Variants in MAN2B1 observed in about 807,000 individuals in gnomAD.
MAN2B1 encodes lysosomal alpha-mannosidase.
In MAN2B1, 99 loss-of-function variants were observed where a neutral mutation model predicts 127.5. The observed-to-expected ratio is 0.78, with a 90% CI of 0.66 to 0.92. The LOEUF (loss-of-function observed/expected upper bound fraction) is 0.92. Among genes scored for constraint, MAN2B1 ranks in the 40% least tolerant of loss-of-function variants. The pLI is 0.00. For synonymous variants in MAN2B1, 573 were observed against 568.8 expected, an observed-to-expected ratio of 1.01 and a Z score of -0.11; for missense variants, 1,304 against 1,384.8, an observed-to-expected ratio of 0.94 and a Z score of 0.93.
chr19:12,665,376 C>T lies in MAN2B1; in HGVS notation c.412G>A (p.Val138Ile), dbSNP rs1245914808. ...CCCTGGCGCACAAGGTCTCGCACGA[C>T]TTCCTGTGTGGCATTTGTCTGCTGG... is the stretch of plus-strand genomic sequence containing the variant. The part of the protein sequence containing the change: ...WHQQTNATQE[V>I]VRDLVRQGRL... Residue 138 changes from valine (V) to isoleucine (I), a missense_variant, in exon 3 of 24, where the codon GTC becomes ATC. By Grantham distance (29) the Val-to-Ile change is conservative. Transcript: ENST00000456935. 2 of 1,609,360 alleles carry T rather than the reference C, an allele frequency of 1.2e-6. No homozygotes were observed. Among genetic ancestry groups the T allele is most frequent in the African/African-American group, 1.3e-5 (1 of 74,920 alleles).
chr19:12,648,478 C>A (rs1454094175), intron 20 of MAN2B1, 76 bp from the exon 21 acceptor site: 2 of 1,092,936 alleles, frequency 1.8e-6, no homozygotes, highest in Non-Finnish European at 2.7e-6. Flanking sequence ...TGGGTAAGGG[C>A]GTGTGGGAAT....
Position 12,658,512 on chromosome 19 carries a change from T to C in MAN2B1, c.1027-2A>G. 1 of 1,614,086 alleles carries C rather than the reference T, an allele frequency of 6.2e-7. No homozygotes were observed. The highest frequency in any genetic ancestry group is 8.5e-7 in the Non-Finnish European group (1 of 1,180,006). On this transcript the variant is annotated splice_acceptor_variant, in intron 7 of 23. Coordinates refer to ENST00000456935, the MANE Select transcript of MAN2B1 (RefSeq NM_000528.4). LOFTEE classifies it high-confidence loss of function. Reference sequence around the variant, plus strand: ...ATGGACACTGCTTCCTTTTGCCTGCTGCTGGGGGAGGCGACGGAGTGAGCC... The same window carrying C: ...ATGGACACTGCTTCCTTTTGCCTGCCGCTGGGGGAGGCGACGGAGTGAGCC...
In MAN2B1 at chr19:12,652,415, T is replaced by C; in HGVS notation, c.1876A>G (p.Ile626Val). ...AGGAGTTGCTGATTCATGTTCATAA[T>C]CTCCATCAACAGCCCTGTGTCAGGA... ...FDPDTGLLME[I>V]MNMNQQLLLP... Residue 626 changes from isoleucine (I) to valine (V), a missense_variant, in exon 15 of 24, where the codon ATT (isoleucine) becomes GTT (valine). Ile to Val is a conservative substitution (Grantham distance 29). Coordinates refer to ENST00000456935, the MANE Select transcript of MAN2B1 (RefSeq NM_000528.4). 1 of 1,614,048 alleles carries C rather than the reference T, an allele frequency of 6.2e-7. No homozygotes were observed.
Position 12,657,316 on chromosome 19 carries a change from C to CA in MAN2B1, c.1419+129dup, listed in dbSNP as rs573308752. On this transcript the variant is annotated intron_variant, in intron 11 of 23. Coordinates refer to ENST00000456935, the MANE Select transcript of MAN2B1 (RefSeq NM_000528.4). The stretch of plus-strand genomic sequence containing the variant: ...CCCCGCCTCCTACAAGCCCCGCCCC[C>CA]ACGAGCCCTTGTAGCCCCGCCACAG... 826 of 852,836 alleles carry CA rather than the reference C, an allele frequency of 9.7e-4. 12 individuals carry two copies. In the South Asian group the frequency reaches 0.012, roughly 12 times the overall value. The allele number at this position is 852,836 out of a possible 1,614,324, so 52.8% of individuals were successfully genotyped here.
intron 16 of MAN2B1, among the ~76,000 whole-genome samples, chr19:12,651,740 C>G (rs2145237954): frequency 6.6e-6 from 1 of 152,260 alleles, no homozygotes; most frequent in African/African-American, 2.4e-5. Context: ...GAGACTCACC[C>G]AAACCCAATC....
In MAN2B1 at chr19:12,656,929, C is replaced by T. The variant is rs761752310; in HGVS notation, c.1527+20G>A. 9.4e-6 allele frequency: 15 copies of T among 1,598,022 alleles called. No homozygotes were observed. Among genetic ancestry groups the T allele is most frequent in the Middle Eastern group, 1.7e-4 (1 of 6,028 alleles). On this transcript the variant is annotated intron_variant, in intron 12 of 23. Transcript: ENST00000456935. The stretch of plus-strand genomic sequence containing the variant: ...CTAAAGCCCATCTGCCCTAGATCCA[C>T]CCCTCCCGTCCCGGCTCACGCGCGC...
At chr19:12,657,091 G>GCCTGGCGTCCTGA in intron 11 of MAN2B1, 35 bp from the exon 12 acceptor site, 7 of 1,316,276 alleles carry the variant, frequency 5.3e-6, no homozygotes, top group Non-Finnish European at 6.5e-6. Flanking sequence ...GTGGGTTCAG[G>GCCTGGCGTCCTGA]ACGCCAGGCC....
At chr19:12,665,581 C>G in intron 2 of MAN2B1, 56 bp from the exon 3 acceptor site, 1 of 1,608,540 alleles carries the variant, frequency 6.2e-7, no homozygotes, top group South Asian at 1.1e-5. Context: ...GGGGTTATTC[C>G]TAGACAGAGG....
At chr19:12,654,999 A>G (rs2023924366) in intron 14 of MAN2B1, among the ~76,000 whole-genome samples, 1 of 151,914 alleles carries the variant, frequency 6.6e-6, no homozygotes, top group Non-Finnish European at 1.5e-5. Context: ...ACAGGGTTTC[A>G]CTCTGTTGCC....
At chr19:12,649,846 T>A in intron 18 of MAN2B1, 67 bp downstream of exon 18, 2 of 1,330,398 alleles carry the variant, frequency 1.5e-6, no homozygotes, top group Non-Finnish European at 1.1e-6. Flanking sequence ...TCAGCAAATT[T>A]CCCTCACCAC....
rs141375929 is a variant in MAN2B1 at position 12,660,132 on chromosome 19, C to G, written c.1026+1128G>C. ...AGTGTCCATGTCCTGATCCCCAGAACCTATTACCACATTAGATTACATGGC... is the reference window on the plus strand; with the variant it reads ...AGTGTCCATGTCCTGATCCCCAGAAGCTATTACCACATTAGATTACATGGC... On this transcript the variant is annotated intron_variant, in intron 7 of 23. Transcript: ENST00000456935. 2.3e-3 allele frequency among the ~76,000 whole-genome samples: 355 copies of G among 152,258 alleles called. 4 individuals are homozygous for G. The highest frequency in any genetic ancestry group is 8.3e-3 in the African/African-American group (343 of 41,536).
rs1312988417 is a variant in MAN2B1 at position 12,652,187 on chromosome 19, G to A, written c.2012C>T (p.Pro671Leu). The part of the protein sequence containing the change: ...IFRPNQQKPL[P>L]VSRWAQIHLV... ...GTGGATCTGAGCCCAGCGGCTCACA[G>A]GCAGCGGTTTCTGTTGGTTGGGTCT... The change falls in exon 16 of 24, where the codon CCT (proline) becomes CTT (leucine). Residue 671 changes from proline (P) to leucine (L), a missense_variant. Physicochemically the swap from Pro to Leu is moderately conservative, Grantham distance 98. Coordinates refer to ENST00000456935, the MANE Select transcript of MAN2B1 (RefSeq NM_000528.4). 6.2e-7 allele frequency: 1 copy of A among 1,614,064 alleles called. No individual in the cohort carries two copies. The highest frequency in any genetic ancestry group is 2.2e-5 in the East Asian group (1 of 44,900).
At chr19:12,652,019 T>G in intron 16 of MAN2B1, 134 bp downstream of exon 16, 1 of 767,576 alleles carries the variant, frequency 1.3e-6, no homozygotes, top group South Asian at 1.4e-5. Flanking sequence ...CCCGCTGATC[T>G]GTGGGTCTTA....
chr19:12,648,165 T>C lies in MAN2B1; in HGVS notation c.2664+10A>G. The stretch of plus-strand genomic sequence containing the variant: ...ATCCGGTCCTCTCTGCCTACCCCGC[T>C]GCCCCTCACCTGCGTGCGCGGAGGA... On this transcript the variant is annotated intron_variant, in intron 21 of 23. Coordinates refer to ENST00000456935, the MANE Select transcript of MAN2B1 (RefSeq NM_000528.4). 6.5e-7 allele frequency: 1 copy of C among 1,534,296 alleles called. No individual in the cohort carries two copies.
rs2023938143 is a variant in MAN2B1 at position 12,655,741 on chromosome 19, G to A, written c.1783C>T (p.Pro595Ser). ...RWKPQARAPQPIPRRSWSPAL... is the reference protein window; with the variant it reads ...RWKPQARAPQSIPRRSWSPAL... ...GGGGACCAGGATCTTCTGGGGATGG[G>A]CTGTGGTGCGCGGGCCTGGGGCTTC... is the stretch of plus-strand genomic sequence containing the variant. Residue 595 changes from proline to serine, a missense_variant, in exon 14 of 24, where the codon CCC (proline) becomes TCC (serine). Pro to Ser is a moderately conservative substitution (Grantham distance 74). Coordinates refer to ENST00000456935, the MANE Select transcript of MAN2B1 (RefSeq NM_000528.4). The A allele has an allele frequency of 1.2e-6, 2 of 1,609,154 alleles. No individual in the cohort carries two copies. The highest frequency in any genetic ancestry group is 1.7e-4 in the Middle Eastern group (1 of 6,030).
chr19:12,650,252 G>A (rs1422355709), intron 16 of MAN2B1, 30 bp from the exon 17 acceptor site: 8 of 1,419,516 alleles, frequency 5.6e-6, no homozygotes, highest in Non-Finnish European at 8.0e-6. Flanking sequence ...GTGGATGTCA[G>A]TCTGTACCTG....
chr19:12,661,228 G>T, intron 7 of MAN2B1, 32 bp downstream of exon 7: 1 of 1,499,676 alleles, frequency 6.7e-7, no homozygotes, highest in Non-Finnish European at 9.3e-7. Context: ...GCGCACATGT[G>T]CACAAGGGTA....
chr19:12,661,314 A>G lies in MAN2B1; in HGVS notation c.972T>C (p.Asn324=), dbSNP rs1284707476. ...MTMGSDFQYE[N]ANMWFKNLDK... ...CAAGGTTCTTGAACCACATGTTGGC[A>G]TTCTCATATTGGAAGTCCGAGCCCA... is the stretch of plus-strand genomic sequence containing the variant. Residue 324 remains asparagine (N), a synonymous_variant, in exon 7 of 24, where the codon AAT becomes AAC. Transcript: ENST00000456935. 3.1e-6 allele frequency: 5 copies of G among 1,614,100 alleles called. No individual in the cohort carries two copies. The South Asian group carries it at 5.5e-5, about 18-fold the overall frequency.
Position 12,656,621 on chromosome 19 carries a change from C to T in MAN2B1, c.1594G>A (p.Glu532Lys), listed in dbSNP as rs2023965980. Residue 532 changes from glutamate (E) to lysine (K), a missense_variant, in exon 13 of 24, where the codon GAA becomes AAA. Glu to Lys is a moderately conservative substitution (Grantham distance 56, BLOSUM62 1). Coordinates refer to ENST00000456935, the MANE Select transcript of MAN2B1 (RefSeq NM_000528.4). ...VNWMVRLPVS[E>K]GVFVVKDPNG... is the part of the protein sequence containing the mutation. Reference sequence around the variant, plus strand: ...GGGTCCTTCACAACGAAAACGCCTTCGCTGACCGGCAGCCGTACCATCCAA... The same window carrying T: ...GGGTCCTTCACAACGAAAACGCCTTTGCTGACCGGCAGCCGTACCATCCAA... 2 of 1,613,892 alleles carry T rather than the reference C, an allele frequency of 1.2e-6. No homozygotes were observed. The highest frequency in any genetic ancestry group is 1.7e-6 in the Non-Finnish European group (2 of 1,179,968).
Sources: allele counts gnomAD v4.1 joint callset (sites outside exome capture counted in the v4.1 genomes callset), GRCh38; gene constraint gnomAD v4.1.1; transcripts MANE v1.5; gene names NCBI Gene and HGNC (gene_info 2026-07-23, HGNC 2026-07-21).